SGCD: variants seen among roughly 807,000 people sequenced by gnomAD.
SGCD encodes delta-sarcoglycan.
A neutral mutation model predicts 36.6 loss-of-function variants in SGCD; 18 were observed. The observed-to-expected ratio is 0.49, with a 90% confidence interval of 0.34 to 0.73. SGCD has a LOEUF of 0.73. Among genes scored for constraint, SGCD ranks in the 30% least tolerant of loss-of-function variants. The probability of loss-of-function intolerance (pLI) is 0.01; values close to 1 mark genes in which losing one functional copy is unlikely to be tolerated. For synonymous variants in SGCD, 133 were observed against 130.6 expected (o/e 1.02, Z -0.12); for missense variants, 387 against 346.7 (o/e 1.12, Z -0.92).
intron 2 of SGCD, among the ~76,000 whole-genome samples, chr5:156,123,250 G>A (rs1040986087): frequency 7.9e-5 from 12 of 152,162 alleles, no homozygotes; most frequent in Non-Finnish European, 1.3e-4. Context: ...ATCTCAAGCT[G>A]TGGACCTGGA....
intron 3 of SGCD, among the ~76,000 whole-genome samples, chr5:156,505,171 G>A (rs188543145): frequency 2.0e-5 from 3 of 152,330 alleles, no homozygotes; most frequent in Admixed American, 6.5e-5. Flanking sequence ...CCGCATTGCC[G>A]TGTTTCCCTT....
chr5:156,294,081 C>T (rs556776792), intron 3 of SGCD, among the ~76,000 whole-genome samples: 1 of 151,942 alleles, frequency 6.6e-6, no homozygotes, highest in Non-Finnish European at 1.5e-5. Flanking sequence ...GTATTTTATT[C>T]TTTTGATGCT....
At chr5:156,757,472 C>A (rs1472731447) in intron 7 of SGCD, 109 bp from the exon 8 acceptor site, 6 of 712,612 alleles carry the variant, frequency 8.4e-6, no homozygotes, top group Non-Finnish European at 1.1e-5. Context: ...TTAAAAAATT[C>A]TCTGATCAAA....
intron 3 of SGCD, among the ~76,000 whole-genome samples, chr5:156,283,200 G>A (rs1252216082): frequency 6.6e-6 from 1 of 152,132 alleles, no homozygotes; most frequent in East Asian, 1.9e-4. Context: ...CCATGACTGT[G>A]TAGTCTATTA....
intron 3 of SGCD, among the ~76,000 whole-genome samples, chr5:156,305,218 C>T (rs1767172106): frequency 6.6e-6 from 1 of 152,126 alleles, no homozygotes; most frequent in African/African-American, 2.4e-5. Flanking sequence ...GCATTCCCTC[C>T]CATCACAGGT....
chr5:156,178,662 G>A (rs946708003), intron 3 of SGCD, among the ~76,000 whole-genome samples: 2 of 152,138 alleles, frequency 1.3e-5, no homozygotes, highest in African/African-American at 4.8e-5. Flanking sequence ...TGCAACCTCT[G>A]CCTTCTGGGT....
chr5:155,763,719 A>G, the SGCD span, among the ~76,000 whole-genome samples: 29 of 152,204 alleles, frequency 1.9e-4, no homozygotes, highest in Non-Finnish European at 2.5e-4. Context: ...AATTTCTCCA[A>G]TATACATTTT....
chr5:155,925,915 T>C (rs1756987687), intron 1 of SGCD, among the ~76,000 whole-genome samples: 1 of 148,300 alleles, frequency 6.7e-6, no homozygotes, highest in Non-Finnish European at 1.5e-5. Flanking sequence ...CCACCACACC[T>C]GGCAACTTTT....
rs987000028 is a variant in SGCD, at chr5:156,480,939, A to C, written c.193-27662A>C. Among the ~76,000 whole-genome samples, 40 of 152,288 alleles carry C rather than the reference A, an allele frequency of 2.6e-4. 1 individual carries two copies. Among genetic ancestry groups the C allele is most frequent in the African/African-American group, 8.2e-4 (34 of 41,560 alleles). ...ATATATCTGAGAATTTGGTGGGAGG[A>C]GTGCTATAAAGTAATGGAAAGATGA... On this transcript the variant is annotated intron_variant, in intron 3 of 8. Coordinates refer to ENST00000337851, the MANE Select transcript of SGCD (RefSeq NM_000337.6).
At chr5:155,741,939 C>G in the SGCD span, among the ~76,000 whole-genome samples, 1 of 152,098 alleles carries the variant, frequency 6.6e-6, no homozygotes, top group Admixed American at 6.5e-5. Flanking sequence ...CCTGCCTTGG[C>G]CTCCCAAAGT....
At chr5:156,607,593 G>A (rs181791747) in intron 6 of SGCD, among the ~76,000 whole-genome samples, 82 of 152,210 alleles carry the variant, frequency 5.4e-4, no homozygotes, top group African/African-American at 1.6e-3. Flanking sequence ...CTCTTTTTCT[G>A]TTGATTGGAA....
chr5:156,023,459 C>T (rs1014717147), intron 1 of SGCD, among the ~76,000 whole-genome samples: 2 of 152,332 alleles, frequency 1.3e-5, no homozygotes, highest in South Asian at 2.1e-4. Context: ...GCTGCCTGCA[C>T]CTGAGATTGA....
At chr5:156,320,953 G>A (rs1238508979) in intron 3 of SGCD, among the ~76,000 whole-genome samples, 1 of 152,134 alleles carries the variant, frequency 6.6e-6, no homozygotes, top group African/African-American at 2.4e-5. Context: ...TATTATTTAT[G>A]AAATGAACTC....
At chr5:156,281,313 C>T (rs906290423) in intron 3 of SGCD, among the ~76,000 whole-genome samples, 1 of 152,154 alleles carries the variant, frequency 6.6e-6, no homozygotes, top group African/African-American at 2.4e-5. Flanking sequence ...TGACTTCTTA[C>T]ATCTCTTTGT....
chr5:155,813,361 A>T, the SGCD span, among the ~76,000 whole-genome samples: 1 of 152,184 alleles, frequency 6.6e-6, no homozygotes. Context: ...AGTATGTTTA[A>T]AACTGCAAGA....
rs1757500359 is a variant in SGCD at position 156,761,579 on chromosome 5, A to ATGAT, written c.*2190_*2193dup. 6.6e-6 allele frequency: 1 copy of ATGAT among 152,192 alleles called. No individual in the cohort carries two copies. 9.4% of individuals were successfully genotyped at this position (152,192 alleles called of 1,614,324 possible). A position where few individuals can be genotyped will look rare whatever the true frequency, so the allele number is the denominator to read the frequency against. ...CTATCCCATATCATTCAGATAAACA[A>ATGAT]TGATAGCTACAAAGTCATTTGTGGC... is the stretch of plus-strand genomic sequence containing the variant. On this transcript the variant is annotated 3_prime_UTR_variant, in exon 9 of 9. Coordinates refer to ENST00000337851, the MANE Select transcript of SGCD (RefSeq NM_000337.6).
intron 3 of SGCD, among the ~76,000 whole-genome samples, chr5:156,448,744 T>C (rs1249923252): frequency 7.4e-6 from 1 of 134,284 alleles, no homozygotes; most frequent in Non-Finnish European, 1.6e-5. Flanking sequence ...TTTTTTTTTT[T>C]TTTTTTTTTT....
At chr5:156,518,310 C>G (rs1757266239) in intron 4 of SGCD, among the ~76,000 whole-genome samples, 1 of 152,052 alleles carries the variant, frequency 6.6e-6, no homozygotes, top group Non-Finnish European at 1.5e-5. Context: ...TATATGCACC[C>G]AAATACAGGA....
intron 1 of SGCD, among the ~76,000 whole-genome samples, chr5:156,048,121 C>T (rs1260561222): frequency 6.6e-6 from 1 of 152,102 alleles, no homozygotes; most frequent in Non-Finnish European, 1.5e-5. Context: ...TGGTTTATAG[C>T]TCCATCCATG....
Sources: allele counts gnomAD v4.1 joint callset (sites outside exome capture counted in the v4.1 genomes callset), GRCh38; gene constraint gnomAD v4.1.1; transcripts MANE v1.5; gene names NCBI Gene and HGNC (gene_info 2026-07-23, HGNC 2026-07-21).